Variants in NEDD4 observed in about 807,000 individuals in gnomAD.
NEDD4 encodes NEDD4 E3 ubiquitin protein ligase.
NEDD4 carries 99 observed loss-of-function variants against 144.9 expected under a neutral mutation model. The ratio of observed to expected loss-of-function variants is 0.68; its 90% CI spans 0.58 to 0.81. The LOEUF (loss-of-function observed/expected upper bound fraction) is 0.81. Ranked by LOEUF, NEDD4 falls within the 30% of genes least tolerant of loss-of-function variation. The pLI, the probability that NEDD4 is intolerant of heterozygous loss-of-function variation, is 0.00. For missense variants in NEDD4, 985 were observed against 1,065.9 expected (o/e 0.92, Z 1.06); for synonymous variants, 318 against 350.6 (o/e 0.91, Z 1.04).
chr15:55,906,337 G>A (rs2036093294), intron 5 of NEDD4, among the ~76,000 whole-genome samples: 1 of 152,158 alleles, frequency 6.6e-6, no homozygotes, highest in Non-Finnish European at 1.5e-5. Flanking sequence ...GGACACGTAT[G>A]TTTATTGCAG....
rs772163003 is a variant in NEDD4 at position 55,856,169 on chromosome 15, G to C, written c.988C>G (p.Gln330Glu). The C allele has an allele frequency of 6.2e-7, 1 of 1,611,452 alleles. No homozygotes were observed. Among genetic ancestry groups the C allele is most frequent in the South Asian group, 1.1e-5 (1 of 90,410 alleles). ...SNHSSRRGSL[Q>E]AYTFEEQPTL... The stretch of plus-strand genomic sequence containing the variant: ...GGTTGTTCCTCAAAAGTATAGGCTT[G>C]TAAGCTGCCTCTTCTGCTGGAATGA... The change falls in exon 12 of 29, where the codon CAA becomes GAA. Residue 330 changes from glutamine to glutamate, a missense_variant. Gln to Glu is a conservative substitution (Grantham distance 29). Transcript: ENST00000435532.
intron 18 of NEDD4, 117 bp from the exon 19 acceptor site, chr15:55,842,280 C>A: frequency 1.2e-6 from 1 of 800,988 alleles, no homozygotes; most frequent in East Asian, 2.7e-5. Context: ...TTTTTCCTTA[C>A]GTAATATACT....
intron 5 of NEDD4, among the ~76,000 whole-genome samples, chr15:55,903,969 G>A (rs1171715186): frequency 2.0e-5 from 3 of 151,808 alleles, no homozygotes; most frequent in African/African-American, 7.3e-5. Context: ...AGACCAGCCT[G>A]GCCAACACGG....
intron 2 of NEDD4, among the ~76,000 whole-genome samples, chr15:55,952,986 C>CTTT (rs34335685): frequency 2.0e-5 from 3 of 147,916 alleles, no homozygotes; most frequent in African/African-American, 2.5e-5. Flanking sequence ...TGTATTAATT[C>CTTT]TTTTTTTTTT....
intron 2 of NEDD4, among the ~76,000 whole-genome samples, chr15:55,962,788 A>T (rs1435646950): frequency 3.3e-5 from 5 of 149,282 alleles, no homozygotes; most frequent in African/African-American, 1.2e-4. Flanking sequence ...TCCGACTTTT[A>T]TTTTTTTTAT....
At position 55,906,232 on chromosome 15, in the gene NEDD4, C is replaced by T. The variant is rs572183472; in HGVS notation, c.291+18414G>A. Among the ~76,000 whole-genome samples the T allele has an allele frequency of 1.8e-3, 273 of 152,312 alleles. 1 individual carries two copies. The highest frequency in any genetic ancestry group is 2.9e-3 in the Non-Finnish European group (194 of 68,036). On this transcript the variant is annotated intron_variant, in intron 5 of 28. Transcript: ENST00000435532. Reference sequence around the variant, plus strand: ...TGTGGAAGACAGTGTGGCGATTCCTCACGGATCTAGAACTAGAAATACCAT... The same window carrying T: ...TGTGGAAGACAGTGTGGCGATTCCTTACGGATCTAGAACTAGAAATACCAT...
chr15:55,858,144 G>A (rs2034266946), intron 11 of NEDD4, among the ~76,000 whole-genome samples: 1 of 151,798 alleles, frequency 6.6e-6, no homozygotes, highest in Admixed American at 6.6e-5. Flanking sequence ...CATCTCTTAG[G>A]GATTGTTCCA....
At chr15:55,906,022 C>A (rs2036079701) in intron 5 of NEDD4, among the ~76,000 whole-genome samples, 1 of 152,106 alleles carries the variant, frequency 6.6e-6, no homozygotes, top group African/African-American at 2.4e-5. Context: ...CCAACAGACA[C>A]ATGAAAAAAT....
chr15:55,940,523 TCTCTCTCTCTCTCTCTCTCTCTGC>T (rs1402893724), intron 4 of NEDD4, among the ~76,000 whole-genome samples: 1 of 139,400 alleles, frequency 7.2e-6, no homozygotes. Flanking sequence ...CCCCCTTCTC[TCTCTCTCTCTCTCTCTCTCTCTGC>T]CTCTCTGCCT....
intron 4 of NEDD4, among the ~76,000 whole-genome samples, chr15:55,932,875 C>T (rs2036810105): frequency 6.6e-6 from 1 of 152,206 alleles, no homozygotes. Context: ...TATGCACAGA[C>T]ACTTCTCAAA....
intron 2 of NEDD4, among the ~76,000 whole-genome samples, chr15:55,953,494 T>G (rs1595872497): frequency 6.6e-6 from 1 of 151,726 alleles, no homozygotes; most frequent in Non-Finnish European, 1.5e-5. Context: ...CAGGCTGGAG[T>G]GCAGTGGCGC....
Position 55,850,602 on chromosome 15 carries a change from G to T in NEDD4, c.1287C>A (p.Val429=), listed in dbSNP as rs144358167. The change falls in exon 14 of 29, where the codon GTC becomes GTA. Residue 429 remains valine, a synonymous_variant. Coordinates refer to ENST00000435532, the MANE Select transcript of NEDD4 (RefSeq NM_006154.4). ...AAGGCCTCCCATTTGGTGCATGCCG[G>T]ACTTCCCAGCCTTTAGGAAGGAATC... ...EQGFLPKGWE[V]RHAPNGRPFF... 1.6e-4 allele frequency: 251 copies of T among 1,614,124 alleles called. 2 individuals are homozygous for T. The highest frequency in any genetic ancestry group is 5.9e-4 in the South Asian group (54 of 91,066).
chr15:55,890,488 G>A (rs1370967908), intron 5 of NEDD4, among the ~76,000 whole-genome samples: 1 of 151,938 alleles, frequency 6.6e-6, no homozygotes, highest in African/African-American at 2.4e-5. Flanking sequence ...ATTTTACTTA[G>A]TATGTTTCCA....
intron 8 of NEDD4, among the ~76,000 whole-genome samples, chr15:55,866,916 A>G (rs1458861790): frequency 6.6e-6 from 1 of 152,198 alleles, no homozygotes; most frequent in African/African-American, 2.4e-5. Flanking sequence ...CTAAGTATCA[A>G]TGAACCTTAT....
intron 4 of NEDD4, among the ~76,000 whole-genome samples, chr15:55,943,539 G>C (rs1337462016): frequency 1.3e-5 from 2 of 152,316 alleles, no homozygotes; most frequent in South Asian, 2.1e-4. Context: ...CGTAAGTCTT[G>C]GTGGCTTTCA....
At chr15:55,865,188 ACT>A (rs1418449488) in intron 8 of NEDD4, among the ~76,000 whole-genome samples, 20 of 127,748 alleles carry the variant, frequency 1.6e-4, no homozygotes, top group African/African-American at 5.1e-4. Context: ...ATAGAGCAAG[ACT>A]CTGTCTCAAA....
At chr15:55,965,351 G>A (rs1421996460) in intron 2 of NEDD4, among the ~76,000 whole-genome samples, 2 of 151,712 alleles carry the variant, frequency 1.3e-5, no homozygotes, top group Admixed American at 6.6e-5. Flanking sequence ...ACAGGCATGC[G>A]CCACCATGCC....
rs1465583908 is a variant in NEDD4 at position 55,850,563 on chromosome 15, G to C, written c.1326C>G (p.His442Gln). Reference sequence around the variant, plus strand: ...TTACCCAGGTGGTGGTTTTAGTGTTGTGGTCAATAAAGAAAGGCCTCCCAT... The same window carrying C: ...TTACCCAGGTGGTGGTTTTAGTGTTCTGGTCAATAAAGAAAGGCCTCCCAT... ...APNGRPFFID[H>Q]NTKTTTWEDP... The change falls in exon 14 of 29, where the codon CAC becomes CAG. Residue 442 changes from histidine to glutamine, a missense_variant. Physicochemically the swap from His to Gln is conservative, Grantham distance 24. Coordinates refer to ENST00000435532, the MANE Select transcript of NEDD4 (RefSeq NM_006154.4). 3.1e-6 allele frequency: 5 copies of C among 1,614,012 alleles called. No individual in the cohort carries two copies. The highest frequency in any genetic ancestry group is 4.2e-6 in the Non-Finnish European group (5 of 1,180,008).
chr15:55,945,475 AAAG>A (rs2037092979), intron 4 of NEDD4, among the ~76,000 whole-genome samples: 2 of 152,198 alleles, frequency 1.3e-5, no homozygotes, highest in Non-Finnish European at 2.9e-5. Flanking sequence ...AAAAGAATAA[AAAG>A]AAGCAAAGAA....
Sources: allele counts gnomAD v4.1 joint callset (sites outside exome capture counted in the v4.1 genomes callset), GRCh38; gene constraint gnomAD v4.1.1; transcripts MANE v1.5; gene names NCBI Gene and HGNC (gene_info 2026-07-23, HGNC 2026-07-21).